Variants in FLNB observed in about 807,000 individuals in gnomAD.
FLNB encodes the protein filamin-B.
Under a neutral mutation model 250.6 loss-of-function variants are expected in FLNB, and 111 were observed. That is an observed-to-expected ratio of 0.44 (90% CI 0.38 to 0.52). The LOEUF (loss-of-function observed/expected upper bound fraction) is 0.52, where lower values mean the gene tolerates loss of function less well. FLNB is among the 20% of genes least tolerant of loss of function. The pLI, the probability that FLNB is intolerant of heterozygous loss-of-function variation, is 0.00. For synonymous variants in FLNB, 1,302 were observed against 1,372.1 expected, an observed-to-expected ratio of 0.95 and a Z score of 1.13; for missense variants, 2,869 against 3,447.8, an observed-to-expected ratio of 0.83 and a Z score of 4.20.
intron 1 of FLNB, among the ~76,000 whole-genome samples, chr3:58,052,070 A>G (rs547291915): frequency 6.6e-6 from 1 of 152,224 alleles, no homozygotes; most frequent in Admixed American, 6.5e-5. Flanking sequence ...TGTTTTTACT[A>G]GAGACAGGGT....
chr3:58,053,158 A>G (rs534032597), intron 1 of FLNB, among the ~76,000 whole-genome samples: 5 of 152,286 alleles, frequency 3.3e-5, no homozygotes, highest in Admixed American at 3.3e-4. Context: ...TGAACTTTAG[A>G]CTTCCCATCT....
chr3:58,153,321 C>T, intron 38 of FLNB, 54 bp from the exon 39 acceptor site: 1 of 1,607,892 alleles, frequency 6.2e-7, no homozygotes, highest in South Asian at 1.1e-5. Flanking sequence ...CCTGCCCTGT[C>T]TCAGGCCCTT....
intron 41 of FLNB, among the ~76,000 whole-genome samples, chr3:58,159,005 C>T (rs1278303104): frequency 6.6e-6 from 1 of 151,676 alleles, no homozygotes; most frequent in African/African-American, 2.4e-5. Flanking sequence ...AGGTTTGGCA[C>T]CCTAGATATA....
rs569468051 is a variant in FLNB at position 58,142,522 on chromosome 3, A to G, written c.5182-128A>G. 8 of 796,974 alleles carry G rather than the reference A, an allele frequency of 1.0e-5. No individual in the cohort carries two copies. Among genetic ancestry groups the G allele is most frequent in the East Asian group, 2.6e-5 (1 of 37,766 alleles). The allele number at this position is 796,974 out of a possible 1,614,324, so 49.4% of individuals were successfully genotyped here. ...CCACTTAGACAAAGCCCATACCACA[A>G]TGGGCAGCCGCATTCCCAAATCCCG... is the stretch of plus-strand genomic sequence containing the variant. On this transcript the variant is annotated intron_variant, in intron 30 of 45. Coordinates refer to ENST00000295956, the MANE Select transcript of FLNB (RefSeq NM_001457.4). The surrounding 1 kb of genome is among the most constrained non-coding windows in gnomAD (Gnocchi z 4.3).
At chr3:58,055,158 T>C (rs2097168501) in intron 1 of FLNB, among the ~76,000 whole-genome samples, 1 of 152,044 alleles carries the variant, frequency 6.6e-6, no homozygotes, top group Non-Finnish European at 1.5e-5. Context: ...TCCCAGCTAC[T>C]TGGGTGTCGA....
chr3:58,042,789 G>A (rs1473952673), intron 1 of FLNB, among the ~76,000 whole-genome samples: 2 of 152,098 alleles, frequency 1.3e-5, no homozygotes, highest in East Asian at 1.9e-4. Flanking sequence ...GCCATGAGCC[G>A]TTCGTTGCGC....
chr3:58,078,315 C>T, intron 2 of FLNB: 2 of 1,442,626 alleles, frequency 1.4e-6, no homozygotes, highest in Non-Finnish European at 1.8e-6. Flanking sequence ...AGGTTTGTGC[C>T]TTTGAGCAAG....
intron 20 of FLNB, among the ~76,000 whole-genome samples, chr3:58,122,327 T>G (rs2097290430): frequency 6.6e-6 from 1 of 150,984 alleles, no homozygotes; most frequent in South Asian, 2.1e-4. Context: ...ACCCCATCTC[T>G]ACTAAAAATA....
intron 39 of FLNB, 123 bp downstream of exon 39, chr3:58,153,764 A>G: frequency 8.8e-7 from 1 of 1,130,468 alleles, no homozygotes. Flanking sequence ...CATTAAGGGC[A>G]TTATTTAAAA....
At chr3:58,023,065 C>T (rs957047319) in intron 1 of FLNB, among the ~76,000 whole-genome samples, 17 of 150,490 alleles carry the variant, frequency 1.1e-4, no homozygotes, top group Non-Finnish European at 1.9e-4. Flanking sequence ...CCACCTGCCT[C>T]GGCCTCCTAA....
At chr3:58,170,283 A>G (rs1236981763) in intron 45 of FLNB, among the ~76,000 whole-genome samples, 1 of 152,140 alleles carries the variant, frequency 6.6e-6, no homozygotes, top group Non-Finnish European at 1.5e-5. Context: ...TAAACCTCAC[A>G]ACTAGTTCGT....
intron 1 of FLNB, among the ~76,000 whole-genome samples, chr3:58,072,240 C>G (rs1244648213): frequency 6.6e-6 from 1 of 152,136 alleles, no homozygotes; most frequent in Non-Finnish European, 1.5e-5. Context: ...TTGTTATTGG[C>G]TGGATTTGGG....
In FLNB at chr3:58,104,063, G is replaced by C. The variant is rs773943113; in HGVS notation, c.1588G>C (p.Gly530Arg). ...PGRYSIAITW[G>R]GHHIPKSPFE... ...GAGATACAGCATTGCCATCACATGG[G>C]GGGGACACCACATTCCAAAGAGGTG... Residue 530 changes from glycine (G) to arginine (R), a missense_variant, in exon 10 of 46, where the codon GGG becomes CGG. By Grantham distance (125) the Gly-to-Arg change is moderately radical (BLOSUM62 -2). This residue lies in a region of FLNB where 1,348 missense variants were observed against 1,466.7 expected (regional missense o/e 0.92). Coordinates refer to ENST00000295956, the MANE Select transcript of FLNB (RefSeq NM_001457.4). 77 of 1,613,982 alleles carry C rather than the reference G, an allele frequency of 4.8e-5. No individual in the cohort carries two copies. In the South Asian group the frequency reaches 5.2e-4, roughly 11 times the overall value.
At chr3:58,105,251 G>A in intron 11 of FLNB, 35 bp downstream of exon 11, 2 of 1,613,850 alleles carry the variant, frequency 1.2e-6, no homozygotes, top group African/African-American at 1.3e-5. Flanking sequence ...TCTTCTGGAG[G>A]ACTGAGGATT....
chr3:58,072,536 A>T (rs146638666), intron 1 of FLNB, among the ~76,000 whole-genome samples: 1 of 152,314 alleles, frequency 6.6e-6, no homozygotes, highest in African/African-American at 2.4e-5. Context: ...ATGCTGTGTA[A>T]CATTTCATTT....
intron 1 of FLNB, among the ~76,000 whole-genome samples, chr3:58,053,363 A>C (rs2097165523): frequency 6.6e-6 from 1 of 152,244 alleles, no homozygotes; most frequent in South Asian, 2.1e-4. Context: ...TCTGTGGTAT[A>C]CATCATTGAT....
chr3:58,060,611 C>T (rs759102804), intron 1 of FLNB, among the ~76,000 whole-genome samples: 5 of 150,938 alleles, frequency 3.3e-5, no homozygotes, highest in Non-Finnish European at 7.4e-5. Context: ...CCTTGGCCTC[C>T]CAAAGTGCTA....
chr3:58,124,273 G>C (rs2097293985), intron 21 of FLNB, 59 bp from the exon 22 acceptor site: 1 of 1,586,288 alleles, frequency 6.3e-7, no homozygotes, highest in Non-Finnish European at 8.7e-7. Flanking sequence ...CTTGGTTCTG[G>C]GGTTTGCTTT....
chr3:58,158,156 C>A (rs746025545), intron 41 of FLNB, among the ~76,000 whole-genome samples: 6 of 152,130 alleles, frequency 3.9e-5, no homozygotes, highest in Non-Finnish European at 8.8e-5. Flanking sequence ...CCCTCTAATT[C>A]TGTGTTCTGT....
Sources: allele counts gnomAD v4.1 joint callset (sites outside exome capture counted in the v4.1 genomes callset), GRCh38; gene constraint gnomAD v4.1.1; regional missense constraint gnomAD v4.1.1; non-coding constraint Gnocchi (gnomAD v3.1); transcripts MANE v1.5; gene names NCBI Gene and HGNC (gene_info 2026-07-23, HGNC 2026-07-21).